CCDC171: variants seen among roughly 807,000 people sequenced by gnomAD.
CCDC171 encodes coiled-coil domain containing 171.
Under a neutral mutation model 168.2 loss-of-function variants are expected in CCDC171, and 177 were observed. That is an observed-to-expected ratio of 1.05 (90% CI 0.93 to 1.19). The LOEUF is 1.19. Among genes scored for constraint, CCDC171 ranks in the 50% most tolerant of loss-of-function variants. The pLI, the probability that CCDC171 is intolerant of heterozygous loss-of-function variation, is 0.00. For synonymous variants in CCDC171, 687 were observed against 540.8 expected (o/e 1.27, Z -3.75); for missense variants, 1,991 against 1,539.0 (o/e 1.29, Z -4.91).
chr9:16,029,377 A>T (rs2133037783), intron 6 of CCDC171, among the ~76,000 whole-genome samples: 1 of 152,286 alleles, frequency 6.6e-6, no homozygotes, highest in South Asian at 2.1e-4. Flanking sequence ...GTTTTAAAGG[A>T]CTTGGGTCAG....
Position 15,564,033 on chromosome 9 carries a change from G to A in CCDC171, c.-56G>A. The A allele has an allele frequency of 7.1e-7, 1 of 1,410,760 alleles. No individual in the cohort carries two copies. Among genetic ancestry groups the A allele is most frequent in the Non-Finnish European group, 9.9e-7 (1 of 1,007,362 alleles). The allele number at this position is 1,410,760 out of a possible 1,614,324, so 87.4% of individuals were successfully genotyped here. A position where few individuals can be genotyped will look rare whatever the true frequency, so the allele number is the denominator to read the frequency against. On this transcript the variant is annotated 5_prime_UTR_variant, in exon 2 of 26. Transcript: ENST00000380701. ...CATCTTGGGCAATTTTAATCATCAA[G>A]AAAGAAATATGTCATTAAGAAATAG...
intron 7 of CCDC171, among the ~76,000 whole-genome samples, chr9:15,636,664 A>G (rs1400873603): frequency 2.7e-5 from 4 of 148,716 alleles, no homozygotes; most frequent in South Asian, 2.1e-4. Context: ...TGGGAGGATC[A>G]CTTGAGCCTG....
chr9:16,096,893 G>T, the CCDC171 span, among the ~76,000 whole-genome samples: 12 of 152,142 alleles, frequency 7.9e-5, no homozygotes, highest in African/African-American at 2.9e-4. Context: ...CATACCACCT[G>T]TTTCCTACTG....
chr9:15,753,920 CCT>C (rs2055925339), intron 18 of CCDC171, among the ~76,000 whole-genome samples: 2 of 151,948 alleles, frequency 1.3e-5, no homozygotes, highest in African/African-American at 4.8e-5. Context: ...CAGTGTGGAC[CCT>C]CTCTGGATAT....
chr9:15,725,084 C>A, intron 14 of CCDC171, 108 bp downstream of exon 14: 1 of 791,500 alleles, frequency 1.3e-6, no homozygotes, highest in Non-Finnish European at 2.1e-6. Flanking sequence ...TTGTTCTGAG[C>A]AGAGTATTTT....
intron 3 of CCDC171, among the ~76,000 whole-genome samples, chr9:16,020,404 C>G (rs1167304506): frequency 1.3e-5 from 2 of 152,142 alleles, no homozygotes; most frequent in Non-Finnish European, 2.9e-5. Flanking sequence ...ACCATATATG[C>G]TATGCATGAA....
chr9:15,674,691 G>C (rs1277389024), intron 9 of CCDC171, among the ~76,000 whole-genome samples: 1 of 152,170 alleles, frequency 6.6e-6, no homozygotes, highest in African/African-American at 2.4e-5. Context: ...TCTTAATCCT[G>C]AGTTCTAGTT....
At chr9:15,565,058 C>T (rs1040371379) in intron 2 of CCDC171, among the ~76,000 whole-genome samples, 5 of 149,434 alleles carry the variant, frequency 3.3e-5, no homozygotes, top group Non-Finnish European at 5.9e-5. Flanking sequence ...TTGTTTTCCA[C>T]TTAGCTTTTG....
intron 24 of CCDC171, among the ~76,000 whole-genome samples, chr9:15,914,686 A>G (rs1303238293): frequency 4.8e-5 from 3 of 62,790 alleles, no homozygotes; most frequent in East Asian, 7.3e-4. Flanking sequence ...CCAGGTGACA[A>G]TGGGGTATGA....
At chr9:15,932,307 C>T (rs1005764544) in intron 25 of CCDC171, among the ~76,000 whole-genome samples, 1 of 151,610 alleles carries the variant, frequency 6.6e-6, no homozygotes, top group Non-Finnish European at 1.5e-5. Flanking sequence ...TTATAGTGTT[C>T]AGTATAGAGA....
In CCDC171 at chr9:15,677,925, T is replaced by A. The variant is rs1359832866; in HGVS notation, c.1077-833T>A. Reference sequence around the variant, plus strand: ...ATATATATATATATATATATATATATAAGAGATGTGGTCTCATTCTGTTAC... The same window carrying A: ...ATATATATATATATATATATATATAAAAGAGATGTGGTCTCATTCTGTTAC... On this transcript the variant is annotated intron_variant, in intron 9 of 25. Coordinates refer to ENST00000380701, the MANE Select transcript of CCDC171 (RefSeq NM_173550.4). Among the ~76,000 whole-genome samples the A allele has an allele frequency of 2.4e-3, 102 of 41,866 alleles. 8 individuals carry two copies. The highest frequency in any genetic ancestry group is 9.6e-3 in the African/African-American group (96 of 9,956). The allele number at this position is 41,866 out of a possible 152,430, so 27.5% of individuals were successfully genotyped here.
chr9:15,558,817 G>T (rs537065220), intron 1 of CCDC171, among the ~76,000 whole-genome samples: 3 of 151,950 alleles, frequency 2.0e-5, no homozygotes, highest in Admixed American at 2.0e-4. Context: ...TCTTTTAATT[G>T]TGATGTTAGG....
At chr9:15,697,100 T>A (rs981980323) in intron 11 of CCDC171, among the ~76,000 whole-genome samples, 1 of 152,144 alleles carries the variant, frequency 6.6e-6, no homozygotes, top group Non-Finnish European at 1.5e-5. Flanking sequence ...TCTGGTTAGG[T>A]TTGGACAGTA....
At chr9:16,043,073 A>C (rs921090424) in intron 1 of CCDC171, among the ~76,000 whole-genome samples, 4 of 152,202 alleles carry the variant, frequency 2.6e-5, no homozygotes, top group Non-Finnish European at 4.4e-5. Flanking sequence ...AAGCCAGGAA[A>C]GTGTGATGAG....
At chr9:15,947,581 A>G (rs1393428874) in intron 25 of CCDC171, among the ~76,000 whole-genome samples, 2 of 152,026 alleles carry the variant, frequency 1.3e-5, no homozygotes, top group Non-Finnish European at 2.9e-5. Flanking sequence ...TTGTATGTAT[A>G]TAGCACATTC....
intron 21 of CCDC171, among the ~76,000 whole-genome samples, chr9:15,788,396 G>T (rs749153395): frequency 6.6e-6 from 1 of 151,954 alleles, no homozygotes. Context: ...TTAAAAAATA[G>T]TTCTTTTTTA....
chr9:15,997,083 A>C (rs745421232), intron 3 of CCDC171, among the ~76,000 whole-genome samples: 5 of 152,172 alleles, frequency 3.3e-5, no homozygotes, highest in Non-Finnish European at 7.3e-5. Context: ...GTGCCTGTGA[A>C]AGATAAAGGG....
intron 24 of CCDC171, among the ~76,000 whole-genome samples, chr9:15,880,440 C>T (rs1464200897): frequency 2.0e-5 from 3 of 149,882 alleles, no homozygotes; most frequent in Non-Finnish European, 4.4e-5. Context: ...ACATATCTGT[C>T]ACTTCCAATT....
At chr9:15,697,245 C>G (rs1456758192) in intron 11 of CCDC171, among the ~76,000 whole-genome samples, 4 of 152,202 alleles carry the variant, frequency 2.6e-5, no homozygotes, top group Admixed American at 6.5e-5. Context: ...TGGGTGGGCC[C>G]TCTTTCATGG....
Sources: gnomAD v4.1 joint callset for allele counts (sites outside exome capture counted in the v4.1 genomes callset) on GRCh38, gnomAD v4.1.1 for gene constraint, MANE v1.5 for transcripts, NCBI Gene and HGNC (gene_info 2026-07-23, HGNC 2026-07-21) for gene names.